Variants in ZNF638 observed in about 807,000 individuals in gnomAD.
ZNF638 encodes the protein CTCL tumor antigen se33-1.
In ZNF638, 46 loss-of-function variants were observed where a neutral mutation model predicts 195.6. The ratio of observed to expected loss-of-function variants is 0.24; its 90% CI spans 0.19 to 0.30. The LOEUF is 0.30. Ranked by LOEUF, ZNF638 falls within the 10% of genes least tolerant of loss-of-function variation. The pLI is 1.00. For synonymous variants in ZNF638, 845 were observed against 772.0 expected (o/e 1.09, Z -1.57); for missense variants, 2,440 against 2,325.3 (o/e 1.05, Z -1.01).
chr2:71,359,460 T>G (rs1218543544), intron 3 of ZNF638, among the ~76,000 whole-genome samples: 1 of 152,222 alleles, frequency 6.6e-6, no homozygotes, highest in African/African-American at 2.4e-5. Flanking sequence ...TTGTACCATC[T>G]GGGCTCCCAG....
chr2:71,433,381 G>C, intron 27 of ZNF638, 98 bp downstream of exon 27: 1 of 855,728 alleles, frequency 1.2e-6, no homozygotes, highest in Non-Finnish European at 1.9e-6. Flanking sequence ...CGCTTTAGGA[G>C]AATGTTTATG....
intron 3 of ZNF638, among the ~76,000 whole-genome samples, chr2:71,362,735 G>A (rs1235807526): frequency 1.3e-5 from 2 of 152,090 alleles, no homozygotes; most frequent in Non-Finnish European, 2.9e-5. Context: ...CCTCTCAGTG[G>A]ACATATCTTT....
chr2:71,387,002 C>G (rs1411225033), intron 10 of ZNF638, among the ~76,000 whole-genome samples: 1 of 151,940 alleles, frequency 6.6e-6, no homozygotes, highest in African/African-American at 2.4e-5. Context: ...CCAGAGACAC[C>G]TCATCCAGCT....
intron 10 of ZNF638, among the ~76,000 whole-genome samples, chr2:71,386,965 A>T (rs2079654173): frequency 6.6e-6 from 1 of 151,728 alleles, no homozygotes; most frequent in Non-Finnish European, 1.5e-5. Context: ...CTTCCACCTC[A>T]TCCTCCTGAG....
intron 8 of ZNF638, among the ~76,000 whole-genome samples, chr2:71,377,909 G>A (rs116751112): frequency 2.0e-3 from 301 of 152,340 alleles, no homozygotes; most frequent in African/African-American, 6.8e-3. Context: ...ATTCTTAAGA[G>A]TTGGGTGGGA....
chr2:71,392,970 T>C (rs200929696), intron 10 of ZNF638, among the ~76,000 whole-genome samples: 154 of 152,350 alleles, frequency 1.0e-3, no homozygotes, highest in Non-Finnish European at 2.0e-3. Context: ...TCATTAAACA[T>C]CTTTTAACTT....
intron 3 of ZNF638, among the ~76,000 whole-genome samples, chr2:71,358,934 G>A (rs1011388605): frequency 2.0e-5 from 3 of 152,222 alleles, no homozygotes; most frequent in African/African-American, 7.2e-5. Context: ...GAGGGCTCAT[G>A]ATCAGTATTT....
At position 71,431,269 on chromosome 2, in the gene ZNF638, A is replaced by G. The variant is rs2080652899; in HGVS notation, c.5651-58A>G. 2.6e-5 allele frequency: 37 copies of G among 1,448,734 alleles called. No individual in the cohort carries two copies. In the South Asian group the frequency reaches 4.3e-4, roughly 17 times the overall value. 89.7% of individuals were successfully genotyped at this position (1,448,734 alleles called of 1,614,324 possible). ...AAAAAGGTAAGAATTATCCAATGTT[A>G]ACTTTACAAAGTCTGTAAATCTATT... On this transcript the variant is annotated intron_variant, in intron 25 of 27. Coordinates refer to ENST00000264447, the MANE Select transcript of ZNF638 (RefSeq NM_014497.5).
At chr2:71,402,479 C>A (rs948759718) in intron 16 of ZNF638, among the ~76,000 whole-genome samples, 1 of 151,960 alleles carries the variant, frequency 6.6e-6, no homozygotes, top group East Asian at 1.9e-4. Context: ...ACACCAGCAG[C>A]CTTTATCTAT....
chr2:71,363,896 A>G (rs899677212), intron 4 of ZNF638, 58 bp from the exon 5 acceptor site: 11 of 1,533,786 alleles, frequency 7.2e-6, no homozygotes, highest in Non-Finnish European at 9.6e-6. Flanking sequence ...GTCATTTATT[A>G]TCATTTAAAT....
At chr2:71,361,751 T>A (rs2079113188) in intron 3 of ZNF638, 1 of 152,256 alleles carries the variant, frequency 6.6e-6, no homozygotes, top group African/African-American at 2.4e-5. Flanking sequence ...TTTGTACCTG[T>A]ATCTCATTGG....
rs2079247247 is a variant in ZNF638 at position 71,368,520 on chromosome 2, A to G, written c.2134A>G (p.Arg712Gly). ...KVNDVLIVPYRKEAYLEMEFK... is the reference protein window; with the variant it reads ...KVNDVLIVPYGKEAYLEMEFK... ...GAATGATGTCCTAATTGTTCCATAT[A>G]GAAAAGAGGTGAGTCATTTAGTCTG... Residue 712 changes from arginine to glycine, a missense_variant, in exon 7 of 28, where the codon AGA becomes GGA. Around this residue, in one of 5 missense-constraint regions of ZNF638, gnomAD observed 1,883 missense variants for 1,739.1 expected, o/e 1.08. Transcript: ENST00000264447. 1.2e-6 allele frequency: 2 copies of G among 1,611,066 alleles called. No homozygotes were observed. The highest frequency in any genetic ancestry group is 1.3e-5 in the African/African-American group (1 of 74,770).
intron 16 of ZNF638, among the ~76,000 whole-genome samples, chr2:71,402,870 G>A (rs2080034519): frequency 6.6e-6 from 1 of 152,118 alleles, no homozygotes; most frequent in Non-Finnish European, 1.5e-5. Context: ...AAGTAGAATA[G>A]GATATATGTT....
intron 10 of ZNF638, among the ~76,000 whole-genome samples, chr2:71,385,078 A>T: frequency 6.6e-6 from 1 of 152,220 alleles, no homozygotes; most frequent in East Asian, 1.9e-4. Flanking sequence ...AATACATCAA[A>T]TACTGACAAA....
At position 71,400,595 on chromosome 2, in the gene ZNF638, TA is replaced by T. The variant is rs775122126; in HGVS notation, c.2697+83del. 4.2e-4 allele frequency: 546 copies of T among 1,286,320 alleles called. 2 individuals are homozygous for T. The highest frequency in any genetic ancestry group is 6.7e-4 in the Admixed American group (26 of 38,902). The allele number at this position is 1,286,320 out of a possible 1,614,324, so 79.7% of individuals were successfully genotyped here. A position where few individuals can be genotyped will look rare whatever the true frequency, so the allele number is the denominator to read the frequency against. On this transcript the variant is annotated intron_variant, in intron 15 of 27. Transcript: ENST00000264447. ...AAGATATTTTTCTTATAAACCCAGG[TA>T]AAAAATTCATGGTATTTGGCATGTG...
chr2:71,367,037 G>T (rs1411166696), intron 6 of ZNF638, among the ~76,000 whole-genome samples: 1 of 152,058 alleles, frequency 6.6e-6, no homozygotes, highest in East Asian at 1.9e-4. Flanking sequence ...AAGACTTTCA[G>T]TAAGTGCTGT....
intron 18 of ZNF638, 93 bp downstream of exon 18, chr2:71,405,735 C>T (rs1030011230): frequency 3.6e-5 from 34 of 932,720 alleles, no homozygotes; most frequent in Non-Finnish European, 5.2e-5. Flanking sequence ...AACCTTAGAA[C>T]TAATTTTAAG....
At chr2:71,352,282 A>G (rs1466871851) in intron 2 of ZNF638, among the ~76,000 whole-genome samples, 1 of 151,948 alleles carries the variant, frequency 6.6e-6, no homozygotes, top group African/African-American at 2.4e-5. Context: ...GTTCAAGACC[A>G]CCCTTACTGA....
intron 25 of ZNF638, among the ~76,000 whole-genome samples, chr2:71,429,198 C>T (rs1215505267): frequency 6.6e-6 from 1 of 152,150 alleles, no homozygotes; most frequent in East Asian, 1.9e-4. Context: ...ATCACCTTGC[C>T]AGTATGATTT....
Sources: gnomAD v4.1 joint callset for allele counts (sites outside exome capture counted in the v4.1 genomes callset) on GRCh38, gnomAD v4.1.1 for gene constraint, gnomAD v4.1.1 regional missense constraint, MANE v1.5 for transcripts, NCBI Gene and HGNC (gene_info 2026-07-23, HGNC 2026-07-21) for gene names.